The following DGKH variants were observed in gnomAD, a reference collection of about 807,000 sequenced individuals.
DGKH encodes DAG kinase eta.
DGKH carries 90 observed loss-of-function variants against 159.3 expected under a neutral mutation model. The observed-to-expected ratio is 0.57, with a 90% CI of 0.48 to 0.67. The LOEUF (loss-of-function observed/expected upper bound fraction) is 0.67, where lower values mean the gene tolerates loss of function less well. DGKH is among the 30% of genes least tolerant of loss of function. DGKH has a pLI of 0.00. For missense variants in DGKH, 1,181 were observed against 1,506.1 expected (o/e 0.78, Z 3.57); for synonymous variants, 536 against 553.8 (o/e 0.97, Z 0.45).
At chr13:42,083,578 G>T (rs1249695805) in intron 1 of DGKH, among the ~76,000 whole-genome samples, 1 of 152,210 alleles carries the variant, frequency 6.6e-6, no homozygotes, top group African/African-American at 2.4e-5. Context: ...TACCTTCCCT[G>T]CCCTGGGGTA....
intron 12 of DGKH, among the ~76,000 whole-genome samples, chr13:42,175,643 A>G (rs1253847335): frequency 1.3e-5 from 2 of 152,232 alleles, no homozygotes; most frequent in Non-Finnish European, 2.9e-5. Flanking sequence ...GATATGAAGG[A>G]AATCTCTCTT....
In DGKH at chr13:42,231,754, C is replaced by T. The variant is rs761391087; in HGVS notation, c.*2566C>T. 4 of 152,110 alleles carry T rather than the reference C, an allele frequency of 2.6e-5. No homozygotes were observed. The highest frequency in any genetic ancestry group is 5.9e-5 in the Non-Finnish European group (4 of 68,038). 9.4% of individuals were successfully genotyped at this position (152,110 alleles called of 1,614,324 possible). On this transcript the variant is annotated 3_prime_UTR_variant, in exon 30 of 30. Transcript: ENST00000337343. ...TTGTTCGTTTGGTGAGCTTTTCACT[C>T]GTAGGTGACATCTTTTGTATATGCT... is the stretch of plus-strand genomic sequence containing the variant.
chr13:42,141,727 A>G (rs1955566819), intron 3 of DGKH, among the ~76,000 whole-genome samples: 1 of 152,032 alleles, frequency 6.6e-6, no homozygotes, highest in African/African-American at 2.4e-5. Context: ...CATATCCTTC[A>G]CCTACTTTTT....
chr13:42,095,481 A>G (rs1954509882), intron 1 of DGKH, among the ~76,000 whole-genome samples: 1 of 152,038 alleles, frequency 6.6e-6, no homozygotes, highest in African/African-American at 2.4e-5. Flanking sequence ...ACTACTTTTA[A>G]TGAGTGCTTA....
At chr13:42,064,284 G>A (rs1433947552) in intron 1 of DGKH, among the ~76,000 whole-genome samples, 1 of 152,200 alleles carries the variant, frequency 6.6e-6, no homozygotes, top group East Asian at 1.9e-4. Flanking sequence ...GGTATGAAAT[G>A]CTTGAACAGG....
intron 12 of DGKH, among the ~76,000 whole-genome samples, chr13:42,175,173 G>A (rs1218227279): frequency 2.0e-5 from 3 of 152,054 alleles, no homozygotes; most frequent in African/African-American, 7.2e-5. Flanking sequence ...TTATGATCTT[G>A]TCAAAACCAA....
Position 42,239,418 on chromosome 13 carries a change from C to T in DGKH, c.*10230C>T, listed in dbSNP as rs1958476570. 6.6e-6 allele frequency: 1 copy of T among 152,536 alleles called. No homozygotes were observed. The highest frequency in any genetic ancestry group is 1.5e-5 in the Non-Finnish European group (1 of 68,000). The allele number at this position is 152,536 out of a possible 1,614,324, so 9.4% of individuals were successfully genotyped here. Reference sequence around the variant, plus strand: ...ACTAAAGTATGGAATAACACAAATGCTTAATCTTAATCTTGGCTTTGGATT... The same window carrying T: ...ACTAAAGTATGGAATAACACAAATGTTTAATCTTAATCTTGGCTTTGGATT... On this transcript the variant is annotated 3_prime_UTR_variant, in exon 30 of 30. Coordinates refer to ENST00000337343, the MANE Select transcript of DGKH (RefSeq NM_178009.5).
At chr13:42,094,095 A>G (rs1254620634) in intron 1 of DGKH, among the ~76,000 whole-genome samples, 1 of 126,048 alleles carries the variant, frequency 7.9e-6, no homozygotes, top group Non-Finnish European at 1.6e-5. Context: ...AGGAAGGGGA[A>G]TATCACACAC....
intron 3 of DGKH, among the ~76,000 whole-genome samples, chr13:42,148,018 G>GTT (rs1955782167): frequency 1.3e-5 from 2 of 152,132 alleles, no homozygotes; most frequent in African/African-American, 4.8e-5. Context: ...TTGTTCTTAA[G>GTT]GGGAGAAAAA....
intron 7 of DGKH, among the ~76,000 whole-genome samples, 166 bp from the exon 8 acceptor site, chr13:42,165,165 G>A (rs1956280367): frequency 6.6e-6 from 1 of 152,034 alleles, no homozygotes; most frequent in Non-Finnish European, 1.5e-5. Flanking sequence ...TTTCTAAAAT[G>A]TTTAGTCATT....
rs551571635 is a variant in DGKH, at chr13:42,090,839, A to G, written c.193-36624A>G. On this transcript the variant is annotated intron_variant, in intron 1 of 29. Transcript: ENST00000337343. ...ATTGAGCCATGGGGACAGAGCCCCCATGGATGGCATTAGGGTGCTTATGAT... is the reference window on the plus strand; with the variant it reads ...ATTGAGCCATGGGGACAGAGCCCCCGTGGATGGCATTAGGGTGCTTATGAT... Among the ~76,000 whole-genome samples, 204 of 152,262 alleles carry G rather than the reference A, an allele frequency of 1.3e-3. No individual in the cohort carries two copies. In the Middle Eastern group the frequency reaches 0.024, roughly 18 times the overall value.
chr13:42,080,002 T>G (rs1293916271), intron 1 of DGKH, among the ~76,000 whole-genome samples: 2 of 152,208 alleles, frequency 1.3e-5, no homozygotes, highest in East Asian at 1.9e-4. Flanking sequence ...TTTTGACTTT[T>G]TTATTGTGGA....
At chr13:42,059,102 A>G (rs1881959224) in intron 1 of DGKH, among the ~76,000 whole-genome samples, 2 of 152,202 alleles carry the variant, frequency 1.3e-5, no homozygotes, top group South Asian at 4.1e-4. Flanking sequence ...AAATAAATAT[A>G]AAATATGTTT....
chr13:42,161,781 CAA>C (rs34855614), intron 7 of DGKH, among the ~76,000 whole-genome samples: 13 of 100,506 alleles, frequency 1.3e-4, no homozygotes, highest in Admixed American at 1.9e-4. Flanking sequence ...CTCTGCCTCT[CAA>C]AAAAAAAAAA....
intron 1 of DGKH, among the ~76,000 whole-genome samples, chr13:42,117,539 A>C (rs2137816490): frequency 6.6e-6 from 1 of 152,356 alleles, no homozygotes; most frequent in South Asian, 2.1e-4. Flanking sequence ...TTTTAGAGGA[A>C]GGCAAGAATG....
At chr13:42,068,281 G>T (rs1882725896) in intron 1 of DGKH, among the ~76,000 whole-genome samples, 1 of 152,156 alleles carries the variant, frequency 6.6e-6, no homozygotes, top group Non-Finnish European at 1.5e-5. Flanking sequence ...TAAATAAGAT[G>T]TGATGTATTA....
At chr13:42,056,328 C>T (rs572003371) in intron 1 of DGKH, among the ~76,000 whole-genome samples, 4 of 151,724 alleles carry the variant, frequency 2.6e-5, no homozygotes, top group Non-Finnish European at 2.9e-5. Flanking sequence ...TGAGGAAGTA[C>T]GGTTAACTTT....
At chr13:42,192,600 T>C (rs9594696) in intron 16 of DGKH, among the ~76,000 whole-genome samples, 1 of 56,082 alleles carries the variant, frequency 1.8e-5, no homozygotes, top group African/African-American at 6.3e-5. Flanking sequence ...CCTCTTCCTC[T>C]TCTTCTTCTT....
intron 5 of DGKH, among the ~76,000 whole-genome samples, chr13:42,158,151 G>T (rs956520995): frequency 2.0e-5 from 3 of 152,152 alleles, no homozygotes; most frequent in African/African-American, 7.2e-5. Flanking sequence ...TGAACATTTG[G>T]CTAAAGACAT....
Sources: allele counts gnomAD v4.1 joint callset (sites outside exome capture counted in the v4.1 genomes callset), GRCh38; gene constraint gnomAD v4.1.1; transcripts MANE v1.5; gene names NCBI Gene and HGNC (gene_info 2026-07-23, HGNC 2026-07-21).